Variants in SBF2 observed in about 807,000 individuals in gnomAD.
The protein encoded by SBF2 is myotubularin-related protein 13.
Under a neutral mutation model 225.2 loss-of-function variants are expected in SBF2, and 112 were observed. The observed-to-expected ratio is 0.50, with a 90% CI of 0.43 to 0.58. The LOEUF is 0.58. SBF2 is among the 20% of genes least tolerant of loss of function. The pLI, the probability that SBF2 is intolerant of heterozygous loss-of-function variation, is 0.00. For synonymous variants in SBF2, 763 were observed against 773.3 expected (o/e 0.99, Z 0.22); for missense variants, 1,996 against 2,206.2 (o/e 0.90, Z 1.91).
At position 9,808,031 on chromosome 11, in the gene SBF2, A is replaced by G; in HGVS notation, c.4412T>C (p.Val1471Ala). 3 of 1,614,190 alleles carry G rather than the reference A, an allele frequency of 1.9e-6. No homozygotes were observed. The highest frequency in any genetic ancestry group is 2.5e-6 in the Non-Finnish European group (3 of 1,180,026). ...TACACAGTCTAAGAACTGTAAGAAGACTGGAGCAAAACCACTCCCCTGACA... is the reference window on the plus strand; with the variant it reads ...TACACAGTCTAAGAACTGTAAGAAGGCTGGAGCAAAACCACTCCCCTGACA... ...LNCQGSGFAP[V>A]FLQFLDCVHQ... The change falls in exon 32 of 40, where the codon GTC (valine) becomes GCC (alanine). Residue 1471 changes from valine (V) to alanine (A), a missense_variant. Val to Ala is a moderately conservative substitution (Grantham distance 64). Coordinates refer to ENST00000256190, the MANE Select transcript of SBF2 (RefSeq NM_030962.4).
intron 39 of SBF2, 48 bp downstream of exon 39, chr11:9,781,459 G>A (rs766584505): frequency 1.2e-6 from 2 of 1,612,460 alleles, no homozygotes; most frequent in Non-Finnish European, 1.7e-6. Flanking sequence ...GAGACAGACA[G>A]AATGATGTGC....
chr11:10,267,384 G>C (rs1342928933), intron 1 of SBF2, among the ~76,000 whole-genome samples: 1 of 151,874 alleles, frequency 6.6e-6, no homozygotes, highest in Admixed American at 6.6e-5. Context: ...ATAGTAATCC[G>C]AGTAAGAACT....
At position 10,025,908 on chromosome 11, in the gene SBF2, T is replaced by A. The variant is rs1949036188; in HGVS notation, c.619+2544A>T. On this transcript the variant is annotated intron_variant, in intron 6 of 39. Transcript: ENST00000256190. ...GAGCCACTGTGCCTGGTCTAGCGGA[T>A]GTTCTTTATATTTGTGTATCTTTTC... is the stretch of plus-strand genomic sequence containing the variant. Among the ~76,000 whole-genome samples the A allele has an allele frequency of 3.3e-5, 5 of 152,280 alleles. No individual in the cohort carries two copies. The South Asian group carries it at 1.0e-3, about 32-fold the overall frequency.
intron 16 of SBF2, among the ~76,000 whole-genome samples, chr11:9,932,443 C>A (rs1864563562): frequency 6.6e-6 from 1 of 152,172 alleles, no homozygotes; most frequent in African/African-American, 2.4e-5. Flanking sequence ...TCGGCAGAAA[C>A]CCTACAAGCC....
At chr11:10,083,617 C>T (rs1951448116) in intron 2 of SBF2, among the ~76,000 whole-genome samples, 1 of 152,024 alleles carries the variant, frequency 6.6e-6, no homozygotes, top group Non-Finnish European at 1.5e-5. Context: ...CAAAAACATA[C>T]AATGGGGAAA....
chr11:10,021,978 G>C (rs567624031), intron 6 of SBF2, among the ~76,000 whole-genome samples: 70 of 152,220 alleles, frequency 4.6e-4, no homozygotes, highest in African/African-American at 1.6e-3. Flanking sequence ...GAACATGCAA[G>C]CAAAAGATAA....
chr11:10,217,962 C>T (rs1050727899), intron 1 of SBF2, among the ~76,000 whole-genome samples: 12 of 151,886 alleles, frequency 7.9e-5, no homozygotes, highest in Non-Finnish European at 1.6e-4. Flanking sequence ...TGCAGTGGCG[C>T]GATCTCAGCT....
chr11:10,149,473 G>A (rs1955061813), intron 2 of SBF2: 1 of 152,132 alleles, frequency 6.6e-6, no homozygotes, highest in Non-Finnish European at 1.5e-5. Context: ...GCAAGGTAAT[G>A]CAATTACAAT....
intron 2 of SBF2, among the ~76,000 whole-genome samples, chr11:10,105,821 C>CA (rs1247213255): frequency 6.6e-6 from 1 of 152,132 alleles, no homozygotes; most frequent in African/African-American, 2.4e-5. Flanking sequence ...ATAGCTATAT[C>CA]AAACTCTAAA....
chr11:10,241,044 G>A (rs925732350), intron 1 of SBF2, among the ~76,000 whole-genome samples: 6 of 152,092 alleles, frequency 3.9e-5, no homozygotes, highest in African/African-American at 1.4e-4. Flanking sequence ...TTTATAGCTT[G>A]AAATGCATAT....
At chr11:10,106,713 T>C (rs1452750984) in intron 2 of SBF2, among the ~76,000 whole-genome samples, 5 of 148,848 alleles carry the variant, frequency 3.4e-5, no homozygotes, top group Non-Finnish European at 7.4e-5. Context: ...ACTTATAAAG[T>C]AATAAAAAAG....
intron 2 of SBF2, among the ~76,000 whole-genome samples, chr11:10,181,507 A>G (rs1362755254): frequency 6.6e-6 from 1 of 152,116 alleles, no homozygotes; most frequent in Non-Finnish European, 1.5e-5. Flanking sequence ...CCAGACTTAA[A>G]GTATCTTTAA....
chr11:9,882,652 C>CA (rs1859895578), intron 17 of SBF2, among the ~76,000 whole-genome samples: 1 of 151,926 alleles, frequency 6.6e-6, no homozygotes, highest in Admixed American at 6.6e-5. Flanking sequence ...ACTAAAAATA[C>CA]TAAAATTAGC....
chr11:9,868,710 C>T (rs990539149), intron 17 of SBF2, among the ~76,000 whole-genome samples: 4 of 152,118 alleles, frequency 2.6e-5, no homozygotes, highest in South Asian at 2.1e-4. Flanking sequence ...CTGAAGAAAC[C>T]GGATCATTTG....
chr11:9,946,586 G>T (rs1865577280), intron 16 of SBF2, among the ~76,000 whole-genome samples: 1 of 151,890 alleles, frequency 6.6e-6, no homozygotes, highest in Non-Finnish European at 1.5e-5. Flanking sequence ...GAGTAGCTGG[G>T]ATTACAGGCA....
intron 6 of SBF2, among the ~76,000 whole-genome samples, chr11:10,024,788 T>C (rs1948990453): frequency 6.6e-6 from 1 of 152,172 alleles, no homozygotes; most frequent in African/African-American, 2.4e-5. Context: ...ATTTCAATGC[T>C]GCTATTCTCT....
intron 1 of SBF2, among the ~76,000 whole-genome samples, chr11:10,200,502 C>T (rs952894813): frequency 3.3e-5 from 5 of 152,124 alleles, no homozygotes; most frequent in African/African-American, 1.2e-4. Context: ...TCTTGATTTA[C>T]TGGAGTTACT....
intron 25 of SBF2, among the ~76,000 whole-genome samples, chr11:9,841,085 C>T (rs1000820304): frequency 6.6e-6 from 1 of 152,024 alleles, no homozygotes; most frequent in Non-Finnish European, 1.5e-5. Flanking sequence ...AATGTGCAGG[C>T]AAAGATATGG....
At chr11:10,212,448 G>A (rs1001892111) in intron 1 of SBF2, among the ~76,000 whole-genome samples, 1 of 152,204 alleles carries the variant, frequency 6.6e-6, no homozygotes, top group African/African-American at 2.4e-5. Flanking sequence ...GGAAGGCTAT[G>A]AAGAAAATTA....
Sources: gnomAD v4.1 joint callset for allele counts (sites outside exome capture counted in the v4.1 genomes callset) on GRCh38, gnomAD v4.1.1 for gene constraint, MANE v1.5 for transcripts, NCBI Gene and HGNC (gene_info 2026-07-23, HGNC 2026-07-21) for gene names.